CARD10: variants seen among roughly 807,000 people sequenced by gnomAD.
CARD10 encodes caspase recruitment domain family member 10.
CARD10 carries 49 observed loss-of-function variants against 114.6 expected under a neutral mutation model. The ratio of observed to expected loss-of-function variants is 0.43; its 90% CI spans 0.34 to 0.54. The LOEUF (loss-of-function observed/expected upper bound fraction) is 0.54, where lower values mean the gene tolerates loss of function less well. Ranked by LOEUF, CARD10 falls within the 20% of genes least tolerant of loss-of-function variation. The pLI is 0.03. For synonymous variants in CARD10, 602 were observed against 593.2 expected, an observed-to-expected ratio of 1.01 and a Z score of -0.21; for missense variants, 1,206 against 1,397.2, an observed-to-expected ratio of 0.86 and a Z score of 2.18.
chr22:37,508,609 G>C lies in CARD10; in HGVS notation c.983C>G (p.Ala328Gly). The stretch of plus-strand genomic sequence containing the variant: ...GCACAGCTCCTGCCTGCTGTCCTGC[G>C]CCTCCCGCCAGTCATGCTCTAGGAT... ...LDILEHDWRE[A>G]QDSRQELCQK... The change falls in exon 5 of 20, where the codon GCG becomes GGG. Residue 328 changes from alanine to glycine, a missense_variant. Transcript: ENST00000251973. 6 of 1,578,922 alleles carry C rather than the reference G, an allele frequency of 3.8e-6. No individual in the cohort carries two copies. The highest frequency in any genetic ancestry group is 5.1e-6 in the Non-Finnish European group (6 of 1,166,584).
intron 6 of CARD10, among the ~76,000 whole-genome samples, 166 bp from the exon 7 acceptor site, chr22:37,506,549 C>T (rs1923416397): frequency 6.6e-6 from 1 of 152,222 alleles, no homozygotes; most frequent in Admixed American, 6.5e-5. Flanking sequence ...AATATCTTCA[C>T]ACTAACTGGC....
rs118189691 is a variant in CARD10, at chr22:37,504,775, A to C, written c.1384-6T>G. ...GAATGGGAGGAGGCACAGGCCTGGA[A>C]GAGGGAGAGGAGAGGAAGGAGGTGA... is the stretch of plus-strand genomic sequence containing the variant. On this transcript the variant is annotated splice_region_variant and splice_polypyrimidine_tract_variant and intron_variant, in intron 7 of 19. Coordinates refer to ENST00000251973, the MANE Select transcript of CARD10 (RefSeq NM_014550.4). 1.4e-3 allele frequency: 2,068 copies of C among 1,517,702 alleles called. 86 individuals carry two copies. In the East Asian group the frequency reaches 0.05, roughly 37 times the overall value. The allele number at this position is 1,517,702 out of a possible 1,614,324, so 94.0% of individuals were successfully genotyped here. A position where few individuals can be genotyped will look rare whatever the true frequency, so the allele number is the denominator to read the frequency against.
intron 3 of CARD10, among the ~76,000 whole-genome samples, chr22:37,513,601 C>T (rs1923735902): frequency 6.6e-6 from 1 of 152,102 alleles, no homozygotes; most frequent in African/African-American, 2.4e-5. Context: ...TGGGACAAGC[C>T]GTGAGGGCTG....
At chr22:37,493,569 C>G (rs1922883932) in intron 16 of CARD10, among the ~76,000 whole-genome samples, 1 of 152,164 alleles carries the variant, frequency 6.6e-6, no homozygotes, top group African/African-American at 2.4e-5. Context: ...GCCTCTGTGC[C>G]TTCTGCCTGG....
In CARD10 at chr22:37,512,465, CCACACACACACA is replaced by C. The variant is rs36080549; in HGVS notation, c.700-2056_700-2045del. Reference sequence around the variant, plus strand: ...AGAGGTTAGAATGGCAGCCCCCCCTCCACACACACACACACACACACACACACACACACACAC... The same window carrying C: ...AGAGGTTAGAATGGCAGCCCCCCCTCCACACACACACACACACACACACAC... On this transcript the variant is annotated intron_variant, in intron 3 of 19. Coordinates refer to ENST00000251973, the MANE Select transcript of CARD10 (RefSeq NM_014550.4). 2.5e-3 allele frequency among the ~76,000 whole-genome samples: 285 copies of C among 113,846 alleles called. 2 individuals carry two copies. Among genetic ancestry groups the C allele is most frequent in the East Asian group, 1.3e-3 (5 of 3,722 alleles). 74.7% of individuals were successfully genotyped at this position (113,846 alleles called of 152,430 possible).
chr22:37,505,946 T>C (rs952474272), intron 7 of CARD10, among the ~76,000 whole-genome samples: 9 of 152,046 alleles, frequency 5.9e-5, no homozygotes, highest in African/African-American at 2.2e-4. Flanking sequence ...AAACTATTCT[T>C]AGTGTCCCAG....
At chr22:37,517,893 C>A in intron 2 of CARD10, 78 bp downstream of exon 2, 1 of 1,530,246 alleles carries the variant, frequency 6.5e-7, no homozygotes. Context: ...ATAGTGGGAG[C>A]GCCTCCCTAA....
Position 37,508,536 on chromosome 22 carries a change from C to T in CARD10, c.1056G>A (p.Leu352=). The part of the protein sequence containing the change: ...VQGELQWAEE[L]RDQYLQEMED... ...ACGGGCAGGGCCCCACCTGGTCGCG[C>T]AGCTCCTCGGCCCACTGCAGCTCCC... Residue 352 remains leucine, a synonymous_variant, in exon 5 of 20, where the codon CTG becomes CTA. Coordinates refer to ENST00000251973, the MANE Select transcript of CARD10 (RefSeq NM_014550.4). The T allele has an allele frequency of 6.3e-7, 1 of 1,593,658 alleles. No individual in the cohort carries two copies. Among genetic ancestry groups the T allele is most frequent in the Non-Finnish European group, 8.5e-7 (1 of 1,176,572 alleles).
intron 19 of CARD10, among the ~76,000 whole-genome samples, 172 bp from the exon 20 acceptor site, chr22:37,491,565 CGGGGGAGGG>C: frequency 8.1e-4 from 1 of 1,242 alleles, no homozygotes; most frequent in South Asian, 0.016. Context: ...GAGGGAGAGA[CGGGGGAGGG>C]AGGGGGGAGG....
At position 37,495,503 on chromosome 22, in the gene CARD10, C is replaced by T; in HGVS notation, c.2373+14G>A. The T allele has an allele frequency of 6.2e-7, 1 of 1,602,606 alleles. No individual in the cohort carries two copies. The highest frequency in any genetic ancestry group is 8.5e-7 in the Non-Finnish European group (1 of 1,175,366). ...TTGGGGCCCCCCACCCACTACCTGC[C>T]CAGCCGTGCTCACATTACTGCGGGG... is the stretch of plus-strand genomic sequence containing the variant. On this transcript the variant is annotated intron_variant, in intron 15 of 19. Coordinates refer to ENST00000251973, the MANE Select transcript of CARD10 (RefSeq NM_014550.4).
rs1444010481 is a variant in CARD10 at position 37,492,516 on chromosome 22, T to C, written c.2670A>G (p.Ser890=). Residue 890 remains serine, a synonymous_variant, in exon 18 of 20, where the codon TCA becomes TCG. Transcript: ENST00000251973. This position sits in a 1 kb window ranked among gnomAD's most constrained non-coding sequence, Gnocchi z 5.7. ...GCTGAGCCTTGGGGGCTCCAGGCGC[T>C]GAGGATGGGCACAGTTCCTCCCCAG... ...SLSGEELCPS[S]APGAPKAQPA... is the part of the protein sequence containing the mutation. 19 of 1,604,424 alleles carry C rather than the reference T, an allele frequency of 1.2e-5. No homozygotes were observed. The East Asian group carries it at 4.2e-4, about 36-fold the overall frequency.
chr22:37,495,309 G>A (rs1922957828), intron 15 of CARD10, among the ~76,000 whole-genome samples: 1 of 152,212 alleles, frequency 6.6e-6, no homozygotes, highest in African/African-American at 2.4e-5. Context: ...TGCATACTAG[G>A]CACGCTTTAC....
chr22:37,514,300 T>C (rs1213832186), intron 3 of CARD10, among the ~76,000 whole-genome samples: 4 of 151,990 alleles, frequency 2.6e-5, no homozygotes, highest in African/African-American at 9.7e-5. Flanking sequence ...AAGGCCGTTT[T>C]ATAATTGTTA....
At position 37,501,500 on chromosome 22, in the gene CARD10, C is replaced by T. The variant is rs935188482; in HGVS notation, c.1787+1102G>A. ...GGTGGGGGCAGGGCCTGGACACTGGCTGACCAAGCCGCTCCGGAGGCCAGA... is the reference window on the plus strand; with the variant it reads ...GGTGGGGGCAGGGCCTGGACACTGGTTGACCAAGCCGCTCCGGAGGCCAGA... On this transcript the variant is annotated intron_variant, in intron 11 of 19. Transcript: ENST00000251973. The surrounding 1 kb of genome is among the most constrained non-coding windows in gnomAD (Gnocchi z 5.4). 3.3e-5 allele frequency among the ~76,000 whole-genome samples: 5 copies of T among 152,230 alleles called. No homozygotes were observed. Among genetic ancestry groups the T allele is most frequent in the African/African-American group, 9.6e-5 (4 of 41,466 alleles).
At chr22:37,502,135 G>T (rs1923238057) in intron 11 of CARD10, among the ~76,000 whole-genome samples, 1 of 152,252 alleles carries the variant, frequency 6.6e-6, no homozygotes, top group Admixed American at 6.5e-5. Context: ...CCTGTGGCTG[G>T]CCCGGTCACA....
At chr22:37,507,400 G>A in intron 6 of CARD10, among the ~76,000 whole-genome samples, 1 of 152,236 alleles carries the variant, frequency 6.6e-6, no homozygotes, top group East Asian at 1.9e-4. Flanking sequence ...CGGGGGCCTG[G>A]TGGCACTGGC....
intron 11 of CARD10, among the ~76,000 whole-genome samples, chr22:37,499,456 C>A (rs1923132866): frequency 6.6e-6 from 1 of 152,150 alleles, no homozygotes; most frequent in Non-Finnish European, 1.5e-5. Flanking sequence ...CTCTCCAGAC[C>A]AGAGCCCAGT....
At chr22:37,516,817 T>C (rs1923859793) in intron 2 of CARD10, among the ~76,000 whole-genome samples, 1 of 152,236 alleles carries the variant, frequency 6.6e-6, no homozygotes, top group Non-Finnish European at 1.5e-5. Context: ...GGTACTATTA[T>C]TGTACCCATC....
chr22:37,492,920 C>T lies in CARD10; in HGVS notation c.2477-118G>A. The T allele has an allele frequency of 2.9e-6, 3 of 1,042,086 alleles. No individual in the cohort carries two copies. Among genetic ancestry groups the T allele is most frequent in the South Asian group, 1.6e-5 (1 of 64,278 alleles). The allele number at this position is 1,042,086 out of a possible 1,614,324, so 64.6% of individuals were successfully genotyped here. On this transcript the variant is annotated intron_variant, in intron 16 of 19. Coordinates refer to ENST00000251973, the MANE Select transcript of CARD10 (RefSeq NM_014550.4). The surrounding 1 kb of genome is among the most constrained non-coding windows in gnomAD (Gnocchi z 5.7). ...CTTCCTAAGTCCTGCTGCTGCTCCTCCTACACATGCACACACACACACCCT... is the reference window on the plus strand; with the variant it reads ...CTTCCTAAGTCCTGCTGCTGCTCCTTCTACACATGCACACACACACACCCT...
Sources: allele counts gnomAD v4.1 joint callset (sites outside exome capture counted in the v4.1 genomes callset), GRCh38; gene constraint gnomAD v4.1.1; non-coding constraint Gnocchi (gnomAD v3.1); transcripts MANE v1.5; gene names NCBI Gene and HGNC (gene_info 2026-07-23, HGNC 2026-07-21).